FES: variants seen among roughly 807,000 people sequenced by gnomAD.
FES encodes FES proto-oncogene, tyrosine kinase.
A neutral mutation model predicts 109.6 loss-of-function variants in FES; 83 were observed. That is an observed-to-expected ratio of 0.76 (90% CI 0.63 to 0.91). The LOEUF (loss-of-function observed/expected upper bound fraction) is 0.91. Among genes scored for constraint, FES ranks in the 40% least tolerant of loss-of-function variants. FES has a pLI of 0.00. For synonymous variants in FES, 458 were observed against 442.1 expected, an observed-to-expected ratio of 1.04 and a Z score of -0.45; for missense variants, 943 against 1,070.9, an observed-to-expected ratio of 0.88 and a Z score of 1.67.
At chr15:90,891,262 GCCTTT>G in intron 11 of FES, 71 bp downstream of exon 11, 1 of 1,505,584 alleles carries the variant, frequency 6.6e-7, no homozygotes, top group Non-Finnish European at 9.0e-7. Flanking sequence ...AAGGGAAATG[GCCTTT>G]CAGGGTAGGG....
At chr15:90,895,112 G>A (rs1162307336) in intron 18 of FES, among the ~76,000 whole-genome samples, 1 of 152,160 alleles carries the variant, frequency 6.6e-6, no homozygotes, top group East Asian at 1.9e-4. Context: ...CTACTACTGA[G>A]TGAGCACCTG....
intron 2 of FES, 43 bp downstream of exon 2, chr15:90,885,301 C>A: frequency 6.2e-7 from 1 of 1,602,348 alleles, no homozygotes; most frequent in Non-Finnish European, 8.5e-7. Flanking sequence ...CTGTATCTGC[C>A]TTCTCCTTCC....
At chr15:90,884,648 A>C in intron 1 of FES, 104 bp downstream of exon 1, 2 of 168,216 alleles carry the variant, frequency 1.2e-5, no homozygotes, top group Non-Finnish European at 2.6e-5. Context: ...AGGTGGGGGT[A>C]GGGGCCGCGG....
In FES at chr15:90,890,078, G is replaced by T. The variant is rs552273776; in HGVS notation, c.1050-14G>T. ...CTTATTCTCATCCACCCTCCCACCC[G>T]CCCCTGCCTGCAGGGTGCAGCTGCT... On this transcript the variant is annotated splice_polypyrimidine_tract_variant and intron_variant, in intron 8 of 18. Transcript: ENST00000328850. 1 of 670,568 alleles carries T rather than the reference G, an allele frequency of 1.5e-6. No individual in the cohort carries two copies. 41.5% of individuals were successfully genotyped at this position (670,568 alleles called of 1,614,324 possible). A position where few individuals can be genotyped will look rare whatever the true frequency, so the allele number is the denominator to read the frequency against.
Position 90,887,259 on chromosome 15 carries a change from A to T in FES, c.557A>T (p.Tyr186Phe). 1 of 1,613,396 alleles carries T rather than the reference A, an allele frequency of 6.2e-7. No homozygotes were observed. Among genetic ancestry groups the T allele is most frequent in the East Asian group, 2.2e-5 (1 of 44,888 alleles). ...AAGCTCTTTGCTCACCACAACCGCT[A>T]TGTGCTGGGCGTGCGGGCTGCGCAG... ...LWKLFAHHNR[Y>F]VLGVRAAQLH... Residue 186 changes from tyrosine (Y) to phenylalanine (F), a missense_variant, in exon 5 of 19, where the codon TAT (tyrosine) becomes TTT (phenylalanine). Physicochemically the swap from Tyr to Phe is conservative, Grantham distance 22 (BLOSUM62 3). Coordinates refer to ENST00000328850, the MANE Select transcript of FES (RefSeq NM_002005.4).
At chr15:90,893,524 A>C (rs2033429541) in intron 16 of FES, 110 bp downstream of exon 16, 1 of 1,488,828 alleles carries the variant, frequency 6.7e-7, no homozygotes, top group Non-Finnish European at 8.9e-7. Flanking sequence ...CCAGAGGGGG[A>C]GTTGGCCTCT....
In FES at chr15:90,894,537, A is replaced by G. The variant is rs143661148; in HGVS notation, c.2326+479A>G. Among the ~76,000 whole-genome samples the G allele has an allele frequency of 2.5e-3, 388 of 152,234 alleles. 2 individuals are homozygous for G. Among genetic ancestry groups the G allele is most frequent in the African/African-American group, 8.8e-3 (366 of 41,538 alleles). ...GAGGCGGAGGCTGCAGTGAGCCGAG[A>G]TTGTGCCACTGCACTCCAGCCTGGG... On this transcript the variant is annotated intron_variant, in intron 18 of 18. Coordinates refer to ENST00000328850, the MANE Select transcript of FES (RefSeq NM_002005.4).
In FES at chr15:90,892,521, C is replaced by T. The variant is rs2033316453; in HGVS notation, c.1708-186C>T. On this transcript the variant is annotated intron_variant, in intron 13 of 18. Transcript: ENST00000328850. ...CTCAGGAAGGGTGGCACATCGGAGGCAACTTTCCCTGCCTGCCCCATGTGC... is the reference window on the plus strand; with the variant it reads ...CTCAGGAAGGGTGGCACATCGGAGGTAACTTTCCCTGCCTGCCCCATGTGC... The T allele has an allele frequency of 8.4e-6, 5 of 592,466 alleles. No individual in the cohort carries two copies. In the Admixed American group the frequency reaches 1.5e-4, roughly 18 times the overall value. 36.7% of individuals were successfully genotyped at this position (592,466 alleles called of 1,614,324 possible). A position where few individuals can be genotyped will look rare whatever the true frequency, so the allele number is the denominator to read the frequency against.
At position 90,895,561 on chromosome 15, in the gene FES, C is replaced by A; in HGVS notation, c.*3C>A. 6.4e-7 allele frequency: 1 copy of A among 1,559,960 alleles called. No individual in the cohort carries two copies. Among genetic ancestry groups the A allele is most frequent in the Non-Finnish European group, 8.7e-7 (1 of 1,152,580 alleles). On this transcript the variant is annotated 3_prime_UTR_variant, in exon 19 of 19. Transcript: ENST00000328850. The stretch of plus-strand genomic sequence containing the variant: ...GCATCCGAAAGCGGCATCGGTGAGG[C>A]TGGGACCCCCTTCTCAAGCTGGTGG...
rs754601789 is a variant in FES at position 90,893,637 on chromosome 15, T to C, written c.2046-17T>C. 2 of 1,559,182 alleles carry C rather than the reference T, an allele frequency of 1.3e-6. No homozygotes were observed. The highest frequency in any genetic ancestry group is 2.7e-5 in the African/African-American group (2 of 72,968). The stretch of plus-strand genomic sequence containing the variant: ...GGCGACTGTTGGCCAAATGAGCCCC[T>C]GCCCTGTCTCACCCAGGGACCTGGC... On this transcript the variant is annotated splice_polypyrimidine_tract_variant and intron_variant, in intron 16 of 18. Coordinates refer to ENST00000328850, the MANE Select transcript of FES (RefSeq NM_002005.4).
Position 90,894,069 on chromosome 15 carries a change from T to G in FES, c.2326+11T>G. 6.2e-7 allele frequency: 1 copy of G among 1,613,298 alleles called. No homozygotes were observed. On this transcript the variant is annotated intron_variant, in intron 18 of 18. Transcript: ENST00000328850. ...AGTTTGTGGAGAAGGGTAAGCACCCTGTGATGACAGCAGCCTCAGGCTGCA... is the reference window on the plus strand; with the variant it reads ...AGTTTGTGGAGAAGGGTAAGCACCCGGTGATGACAGCAGCCTCAGGCTGCA...
Position 90,895,708 on chromosome 15 carries a change from C to A in FES, c.*150C>A. 1 of 592,116 alleles carries A rather than the reference C, an allele frequency of 1.7e-6. No homozygotes were observed. Among genetic ancestry groups the A allele is most frequent in the South Asian group, 3.3e-5 (1 of 30,066 alleles). 36.7% of individuals were successfully genotyped at this position (592,116 alleles called of 1,614,324 possible). On this transcript the variant is annotated 3_prime_UTR_variant, in exon 19 of 19. Coordinates refer to ENST00000328850, the MANE Select transcript of FES (RefSeq NM_002005.4). The stretch of plus-strand genomic sequence containing the variant: ...GGCAGGATGCAGCGCCGTGTCCTCT[C>A]TGTGTCCCTGCTGCTGCCAGGGCTT...
chr15:90,885,063 G>A lies in FES; in HGVS notation c.18G>A (p.Glu6=), dbSNP rs1567090561. The A allele has an allele frequency of 1.2e-6, 2 of 1,612,308 alleles. No individual in the cohort carries two copies. The highest frequency in any genetic ancestry group is 2.7e-5 in the African/African-American group (2 of 75,060). The change falls in exon 2 of 19, where the codon GAG becomes GAA. Residue 6 remains glutamate, a synonymous_variant. Coordinates refer to ENST00000328850, the MANE Select transcript of FES (RefSeq NM_002005.4). ...ACAGCACTATGGGCTTCTCTTCCGA[G>A]CTGTGCAGCCCCCAGGGCCACGGGG... The part of the protein sequence containing the change: MGFSS[E]LCSPQGHGVL...
At chr15:90,885,713 C>G (rs1257516988) in intron 3 of FES, 128 bp downstream of exon 3, 2 of 1,430,254 alleles carry the variant, frequency 1.4e-6, no homozygotes, top group Non-Finnish European at 9.2e-7. Context: ...CTGGCTTGCT[C>G]TAACCTTGAT....
chr15:90,893,453 G>A (rs968096106), intron 16 of FES, 39 bp downstream of exon 16: 1 of 1,517,672 alleles, frequency 6.6e-7, no homozygotes, highest in Non-Finnish European at 8.8e-7. Context: ...CAACACCCCC[G>A]ACCAGAGTCA....
In FES at chr15:90,889,292, C is replaced by A; in HGVS notation, c.669-14C>A. The A allele has an allele frequency of 6.2e-7, 1 of 1,612,356 alleles. No individual in the cohort carries two copies. Among genetic ancestry groups the A allele is most frequent in the Non-Finnish European group, 8.5e-7 (1 of 1,179,548 alleles). On this transcript the variant is annotated splice_polypyrimidine_tract_variant and intron_variant, in intron 5 of 18. Transcript: ENST00000328850. The surrounding 1 kb of genome is among the most constrained non-coding windows in gnomAD (Gnocchi z 6.1). ...CTGAGGCTCCCCTGACTGGGGATCC[C>A]GTCTCGGGGGCAGGAAGGAGATCCT... is the stretch of plus-strand genomic sequence containing the variant.
In FES at chr15:90,890,501, C is replaced by A. The variant is rs2033109803; in HGVS notation, c.1320+17C>A. ...AAGTTCTCGGTGAGTGGCGCCCAGC[C>A]TGGGCCCCCCTACTGTTGTGTTTCG... On this transcript the variant is annotated intron_variant, in intron 10 of 18. Coordinates refer to ENST00000328850, the MANE Select transcript of FES (RefSeq NM_002005.4). The A allele has an allele frequency of 6.2e-6, 10 of 1,605,436 alleles. No individual in the cohort carries two copies. In the South Asian group the frequency reaches 8.8e-5, roughly 14 times the overall value.
In FES at chr15:90,889,650, T is replaced by G; in HGVS notation, c.926+14T>G. 1 of 1,612,250 alleles carries G rather than the reference T, an allele frequency of 6.2e-7. No homozygotes were observed. Among genetic ancestry groups the G allele is most frequent in the Non-Finnish European group, 8.5e-7 (1 of 1,179,894 alleles). On this transcript the variant is annotated intron_variant, in intron 7 of 18. Coordinates refer to ENST00000328850, the MANE Select transcript of FES (RefSeq NM_002005.4). This position sits in a 1 kb window ranked among gnomAD's most constrained non-coding sequence, Gnocchi z 6.1. ...CGTGCAGCACACGTGGGTGGTGGCTTTGCACCTGGGCTGCGGCGGGGCTCC... is the reference window on the plus strand; with the variant it reads ...CGTGCAGCACACGTGGGTGGTGGCTGTGCACCTGGGCTGCGGCGGGGCTCC...
In FES at chr15:90,889,675, C is replaced by T. The variant is rs1402688311; in HGVS notation, c.926+39C>T. The T allele has an allele frequency of 1.2e-6, 2 of 1,610,136 alleles. No homozygotes were observed. Among genetic ancestry groups the T allele is most frequent in the Non-Finnish European group, 1.7e-6 (2 of 1,179,788 alleles). ...TTGCACCTGGGCTGCGGCGGGGCTC[C>T]CAGCAGACCACGAGTGTTTATGTAG... On this transcript the variant is annotated intron_variant, in intron 7 of 18. Transcript: ENST00000328850. This position sits in a 1 kb window ranked among gnomAD's most constrained non-coding sequence, Gnocchi z 6.1.
Sources: allele counts gnomAD v4.1 joint callset (sites outside exome capture counted in the v4.1 genomes callset), GRCh38; gene constraint gnomAD v4.1.1; non-coding constraint Gnocchi (gnomAD v3.1); transcripts MANE v1.5; gene names NCBI Gene and HGNC (gene_info 2026-07-23, HGNC 2026-07-21).